The following HNF1B variants were observed in gnomAD, a reference collection of about 807,000 sequenced individuals.
HNF1B encodes hepatocyte nuclear factor 1-beta.
A neutral mutation model predicts 61.7 loss-of-function variants in HNF1B; 8 were observed. The ratio of observed to expected loss-of-function variants is 0.13; its 90% confidence interval spans 0.08 to 0.23. The LOEUF (loss-of-function observed/expected upper bound fraction) is 0.23. HNF1B is among the 10% of genes least tolerant of loss of function. HNF1B has a pLI of 1.00. For synonymous variants in HNF1B, 314 were observed against 287.7 expected (o/e 1.09, Z -0.93); for missense variants, 562 against 714.5 (o/e 0.79, Z 2.43).
chr17:37,744,920 G>T lies in HNF1B; in HGVS notation c.-36C>A. ...CGGAAAAAGAAGGGGGTGAGGGGGT[G>T]GGTGGGTGCGAGAGAGGAGGGTGGA... On this transcript the variant is annotated 5_prime_UTR_variant, in exon 1 of 9. Transcript: ENST00000617811. The T allele has an allele frequency of 2.1e-6, 3 of 1,430,534 alleles. No homozygotes were observed. Among genetic ancestry groups the T allele is most frequent in the South Asian group, 2.3e-5 (2 of 86,030 alleles). The allele number at this position is 1,430,534 out of a possible 1,614,324, so 88.6% of individuals were successfully genotyped here.
intron 4 of HNF1B, chr17:37,730,971 C>T (rs1025541304): frequency 5.9e-6 from 1 of 168,780 alleles, no homozygotes; most frequent in African/African-American, 2.4e-5. Context: ...GGGCCCAGCA[C>T]ACAGGAGCAC....
chr17:37,698,057 T>G (rs1051371482), intron 8 of HNF1B, among the ~76,000 whole-genome samples: 15 of 144,302 alleles, frequency 1.0e-4, no homozygotes, highest in African/African-American at 3.7e-4. Flanking sequence ...AAGGAAAGGA[T>G]AGAGAACCCT....
At position 37,744,918 on chromosome 17, in the gene HNF1B, G is replaced by C. The variant is rs749566416; in HGVS notation, c.-34C>G. 7.6e-7 allele frequency: 1 copy of C among 1,317,040 alleles called. No homozygotes were observed. Among genetic ancestry groups the C allele is most frequent in the Non-Finnish European group, 1.1e-6 (1 of 919,270 alleles). 81.6% of individuals were successfully genotyped at this position (1,317,040 alleles called of 1,614,324 possible). Reference sequence around the variant, plus strand: ...GACGGAAAAAGAAGGGGGTGAGGGGGTGGGTGGGTGCGAGAGAGGAGGGTG... The same window carrying C: ...GACGGAAAAAGAAGGGGGTGAGGGGCTGGGTGGGTGCGAGAGAGGAGGGTG... On this transcript the variant is annotated 5_prime_UTR_variant, in exon 1 of 9. Transcript: ENST00000617811.
rs1009356929 is a variant in HNF1B, at chr17:37,690,381, T to C, written c.1654-2989A>G. Among the ~76,000 whole-genome samples, 6 of 152,108 alleles carry C rather than the reference T, an allele frequency of 3.9e-5. No individual in the cohort carries two copies. In the East Asian group the frequency reaches 1.2e-3, roughly 29 times the overall value. On this transcript the variant is annotated intron_variant, in intron 8 of 8. Transcript: ENST00000617811. ...GTATGTCTCTGTTTTAGTTTGGTTG[T>C]GATGGAAAGCTATTGGAGAGTTTTG...
intron 8 of HNF1B, among the ~76,000 whole-genome samples, chr17:37,696,127 A>C (rs1438305214): frequency 2.6e-5 from 4 of 152,076 alleles, no homozygotes; most frequent in Non-Finnish European, 5.9e-5. Context: ...TGCTTGAGTT[A>C]GTTCACGTGA....
chr17:37,712,810 A>T (rs1362799223), intron 4 of HNF1B, among the ~76,000 whole-genome samples: 12 of 152,188 alleles, frequency 7.9e-5, no homozygotes, highest in Admixed American at 3.3e-4. Flanking sequence ...ACATCTATAC[A>T]GTTTCTTGCA....
intron 2 of HNF1B, among the ~76,000 whole-genome samples, chr17:37,734,332 A>G (rs192210355): frequency 6.6e-6 from 1 of 152,320 alleles, no homozygotes; most frequent in East Asian, 1.9e-4. Context: ...AAAACCCCAA[A>G]CCTTTTGGAA....
At chr17:37,738,308 C>G (rs1201309198) in intron 2 of HNF1B, among the ~76,000 whole-genome samples, 5 of 152,224 alleles carry the variant, frequency 3.3e-5, no homozygotes, top group Non-Finnish European at 7.3e-5. Context: ...AGCACAAACA[C>G]CACAATATGA....
At chr17:37,692,940 C>A (rs186960813) in intron 8 of HNF1B, among the ~76,000 whole-genome samples, 97 of 152,120 alleles carry the variant, frequency 6.4e-4, no homozygotes, top group African/African-American at 2.2e-3. Flanking sequence ...CCTGTAATTC[C>A]AGCACTTTGG....
At chr17:37,723,396 A>G (rs2033389060) in intron 4 of HNF1B, among the ~76,000 whole-genome samples, 1 of 152,154 alleles carries the variant, frequency 6.6e-6, no homozygotes, top group South Asian at 2.1e-4. Context: ...TGTTAGTTAC[A>G]GGAAATTCAT....
intron 5 of HNF1B, among the ~76,000 whole-genome samples, chr17:37,709,797 T>C (rs1161026380): frequency 1.3e-5 from 2 of 152,186 alleles, no homozygotes; most frequent in African/African-American, 2.4e-5. Flanking sequence ...AAGTCTATTG[T>C]TACCGCCCCC....
chr17:37,704,776 T>A, intron 6 of HNF1B, 141 bp downstream of exon 6: 2 of 940,292 alleles, frequency 2.1e-6, no homozygotes, highest in Non-Finnish European at 3.5e-6. Flanking sequence ...AGGAGACAGA[T>A]GAGAAACTAA....
In HNF1B at chr17:37,686,461, G is replaced by T. The variant is rs1324287125; in HGVS notation, c.*911C>A. The T allele has an allele frequency of 6.6e-6, 1 of 152,156 alleles. No homozygotes were observed. Among genetic ancestry groups the T allele is most frequent in the African/African-American group, 2.4e-5 (1 of 41,414 alleles). The allele number at this position is 152,156 out of a possible 1,614,324, so 9.4% of individuals were successfully genotyped here. A position where few individuals can be genotyped will look rare whatever the true frequency, so the allele number is the denominator to read the frequency against. ...ATAAAATAAATTGTTTTAATGGAAGGCTTTCTGAGACTGCAACTTTTTCTT... is the reference window on the plus strand; with the variant it reads ...ATAAAATAAATTGTTTTAATGGAAGTCTTTCTGAGACTGCAACTTTTTCTT... On this transcript the variant is annotated 3_prime_UTR_variant, in exon 9 of 9. Transcript: ENST00000617811.
intron 4 of HNF1B, among the ~76,000 whole-genome samples, chr17:37,721,111 A>C (rs2033299601): frequency 6.6e-6 from 1 of 152,206 alleles, no homozygotes; most frequent in African/African-American, 2.4e-5. Context: ...TGCAGTGGAC[A>C]GGGCCAGAAG....
intron 4 of HNF1B, among the ~76,000 whole-genome samples, chr17:37,712,178 GC>G (rs1256691089): frequency 1.3e-5 from 2 of 152,222 alleles, no homozygotes; most frequent in African/African-American, 4.8e-5. Flanking sequence ...TGCTCTATGA[GC>G]TTTTCTATTG....
At chr17:37,733,437 A>C (rs1473659000) in intron 3 of HNF1B, 120 bp downstream of exon 3, 2 of 1,144,768 alleles carry the variant, frequency 1.7e-6, no homozygotes, top group Non-Finnish European at 2.6e-6. Context: ...ATACTTTGAG[A>C]AGCTCTGATT....
intron 8 of HNF1B, among the ~76,000 whole-genome samples, chr17:37,698,837 A>G (rs925527710): frequency 3.9e-5 from 6 of 152,076 alleles, no homozygotes; most frequent in African/African-American, 7.2e-5. Flanking sequence ...CCAGCAACCT[A>G]TCAAACTTCT....
chr17:37,690,489 A>G (rs1350970143), intron 8 of HNF1B, among the ~76,000 whole-genome samples: 1 of 152,166 alleles, frequency 6.6e-6, no homozygotes, highest in Non-Finnish European at 1.5e-5. Flanking sequence ...TGGAAGTGGG[A>G]GACAGGCAAG....
chr17:37,713,781 T>G (rs748591571), intron 4 of HNF1B, among the ~76,000 whole-genome samples: 2 of 152,150 alleles, frequency 1.3e-5, no homozygotes. Flanking sequence ...CAGCCCCAGA[T>G]CCACCTGCAG....
Sources: allele counts gnomAD v4.1 joint callset (sites outside exome capture counted in the v4.1 genomes callset), GRCh38; gene constraint gnomAD v4.1.1; transcripts MANE v1.5; gene names NCBI Gene and HGNC (gene_info 2026-07-23, HGNC 2026-07-21).